The following FAM153A variants were observed in gnomAD, a reference collection of about 807,000 sequenced individuals.
The protein encoded by FAM153A is protein FAM153A.
In FAM153A, 12 loss-of-function variants were observed where a neutral mutation model predicts 48.1. The ratio of observed to expected loss-of-function variants is 0.25; its 90% CI spans 0.16 to 0.40. The LOEUF (loss-of-function observed/expected upper bound fraction) is 0.40, where lower values mean the gene tolerates loss of function less well. Ranked by LOEUF, FAM153A falls within the 10% of genes least tolerant of loss-of-function variation. The probability of loss-of-function intolerance (pLI) is 1.00; values close to 1 mark genes in which losing one functional copy is unlikely to be tolerated. For missense variants in FAM153A, 111 were observed against 345.8 expected (o/e 0.32, Z 5.38); for synonymous variants, 36 against 118.2 (o/e 0.30, Z 4.51).
chr5:177,707,152 A>G (rs1481114141), downstream of FAM153A, among the ~76,000 whole-genome samples: 2 of 151,966 alleles, frequency 1.3e-5, no homozygotes, highest in South Asian at 4.1e-4. Flanking sequence ...AAAGTAACAA[A>G]GACCAGACTG....
At chr5:177,758,505 C>A in intron 1 of FAM153A, among the ~76,000 whole-genome samples, 1 of 138,186 alleles carries the variant, frequency 7.2e-6, no homozygotes. Flanking sequence ...CAAAAAAGAG[C>A]CCGCATCGCC....
chr5:177,740,913 A>G lies in FAM153A; in HGVS notation c.442-112T>C. The G allele has an allele frequency of 4.2e-6, 2 of 473,824 alleles. 1 individual carries two copies. The highest frequency in any genetic ancestry group is 6.6e-5 in the South Asian group (2 of 30,174). 29.4% of individuals were successfully genotyped at this position (473,824 alleles called of 1,614,324 possible). On this transcript the variant is annotated intron_variant, in intron 7 of 20. Transcript: ENST00000614127. ...TAGAAAACCCAATGGAAATAGTGAA[A>G]ATAGTCAACACAAGGGCTCCAAATT... is the stretch of plus-strand genomic sequence containing the variant.
At chr5:177,778,971 TAGAG>T (rs1445983318) in intron 1 of FAM153A, among the ~76,000 whole-genome samples, 1 of 111,416 alleles carries the variant, frequency 9.0e-6, no homozygotes, top group African/African-American at 3.5e-5. Flanking sequence ...CTGGGCAACA[TAGAG>T]AGAGCCCATC....
intron 13 of FAM153A, among the ~76,000 whole-genome samples, chr5:177,734,615 G>A (rs1410398420): frequency 2.8e-5 from 4 of 140,698 alleles, no homozygotes; most frequent in African/African-American, 1.2e-4. Flanking sequence ...CTGGCAAGTA[G>A]CTGATTTTGC....
chr5:177,695,028 A>C, the FAM153A span, among the ~76,000 whole-genome samples: 1 of 149,050 alleles, frequency 6.7e-6, no homozygotes, highest in Non-Finnish European at 1.5e-5. Context: ...GGTTCAAGCA[A>C]TTCTTATGCC....
chr5:177,773,795 GAC>G (rs1769249327), intron 1 of FAM153A, among the ~76,000 whole-genome samples: 3 of 50,876 alleles, frequency 5.9e-5, no homozygotes, highest in African/African-American at 1.6e-4. Flanking sequence ...GCAACTCCAA[GAC>G]ACATAATTGT....
At chr5:177,781,848 A>C (rs1769700942), upstream of FAM153A, among the ~76,000 whole-genome samples, 1 of 92,934 alleles carries the variant, frequency 1.1e-5, no homozygotes, top group South Asian at 4.1e-4. Context: ...CCTCCCGAGT[A>C]GCTGGGACTA....
At chr5:177,701,030 G>T in the FAM153A span, among the ~76,000 whole-genome samples, 2 of 151,776 alleles carry the variant, frequency 1.3e-5, no homozygotes, top group Non-Finnish European at 2.9e-5. Context: ...GAATGGTTTA[G>T]TACAATCCCC....
chr5:177,723,601 C>CA (rs1761644614), exon 21 of FAM153A: 1 of 157,922 alleles, frequency 6.3e-6, no homozygotes, highest in African/African-American at 2.6e-5. Flanking sequence ...TGGAGGCCCC[C>CA]AGACCCCCCA....
chr5:177,756,550 A>G (rs1271634878), upstream of FAM153A, among the ~76,000 whole-genome samples: 1 of 142,248 alleles, frequency 7.0e-6, no homozygotes, highest in African/African-American at 2.5e-5. Flanking sequence ...TCAGCACCAC[A>G]TCACACTTAT....
intron 1 of FAM153A, among the ~76,000 whole-genome samples, chr5:177,752,638 A>AAAAG (rs1554153710): frequency 4.4e-3 from 431 of 97,828 alleles, no homozygotes; most frequent in African/African-American, 0.013. Context: ...AAAAAAAAAA[A>AAAAG]AAAAGAAAAG....
chr5:177,705,955 G>A (rs1213653172), downstream of FAM153A, among the ~76,000 whole-genome samples: 3 of 151,532 alleles, frequency 2.0e-5, no homozygotes, highest in African/African-American at 7.3e-5. Flanking sequence ...ACCGCGCCCA[G>A]CCTAGAAAAC....
chr5:177,781,712 T>G (rs1582556706), upstream of FAM153A: 3 of 94,784 alleles, frequency 3.2e-5, no homozygotes, highest in East Asian at 1.0e-3. Context: ...CGGTTTTTTG[T>G]TTGTTTGTTT....
At chr5:177,770,076 T>C (rs1019916600) in intron 1 of FAM153A, among the ~76,000 whole-genome samples, 264 of 130,156 alleles carry the variant, frequency 2.0e-3, no homozygotes, top group African/African-American at 7.7e-3. Flanking sequence ...TAACACAGAC[T>C]GTTTTCAAAC....
At chr5:177,696,975 C>T in the FAM153A span, among the ~76,000 whole-genome samples, 19 of 151,802 alleles carry the variant, frequency 1.3e-4, no homozygotes, top group Admixed American at 4.6e-4. Flanking sequence ...TTAATTCCTG[C>T]AAAAAAGGCA....
chr5:177,758,514 C>T (rs1477758158), intron 1 of FAM153A, among the ~76,000 whole-genome samples: 1 of 135,818 alleles, frequency 7.4e-6, no homozygotes, highest in African/African-American at 2.6e-5. Context: ...GCCCGCATCG[C>T]CAAGTCAATC....
rs1041432725 is a variant in FAM153A, at chr5:177,779,464, TCTC to T, written c.-57+982_-57+984del. On this transcript the variant is annotated intron_variant, in intron 1 of 8. Coordinates refer to the FAM153A transcript ENST00000393518. Reference sequence around the variant, plus strand: ...CTCAGTAGGTATCTTCAAAAAATAATCTCCTATTCGTATGGGTGCACACTGGTT... The same window carrying T: ...CTCAGTAGGTATCTTCAAAAAATAATCTATTCGTATGGGTGCACACTGGTT... The T allele has an allele frequency of 4.7e-5, 5 of 106,374 alleles. 1 individual carries two copies. In the South Asian group the frequency reaches 1.8e-3, roughly 37 times the overall value. 6.6% of individuals were successfully genotyped at this position (106,374 alleles called of 1,614,324 possible). A position where few individuals can be genotyped will look rare whatever the true frequency, so the allele number is the denominator to read the frequency against.
chr5:177,702,605 A>G, the FAM153A span, among the ~76,000 whole-genome samples: 1 of 151,858 alleles, frequency 6.6e-6, no homozygotes, highest in Non-Finnish European at 1.5e-5. Flanking sequence ...GACCTTCACC[A>G]TGGCCCCTCC....
intron 18 of FAM153A, among the ~76,000 whole-genome samples, chr5:177,727,099 G>C (rs1396937789): frequency 8.6e-5 from 13 of 151,568 alleles, no homozygotes; most frequent in African/African-American, 2.9e-4. Flanking sequence ...ACCCAAAGAT[G>C]AGGAAGATGT....
Sources: gnomAD v4.1 joint callset for allele counts (sites outside exome capture counted in the v4.1 genomes callset) on GRCh38, gnomAD v4.1.1 for gene constraint, MANE v1.5 for transcripts, NCBI Gene and HGNC (gene_info 2026-07-23, HGNC 2026-07-21) for gene names.